The following RCN1 variants were observed in gnomAD, a reference collection of about 807,000 sequenced individuals.
RCN1 encodes reticulocalbin-1.
Under a neutral mutation model 34.7 loss-of-function variants are expected in RCN1, and 14 were observed. The ratio of observed to expected loss-of-function variants is 0.40; its 90% confidence interval spans 0.27 to 0.63. The LOEUF is 0.63. Among genes scored for constraint, RCN1 ranks in the 30% least tolerant of loss-of-function variants. The pLI is 0.37. For synonymous variants in RCN1, 125 were observed against 165.5 expected (o/e 0.76, Z 1.88); for missense variants, 326 against 425.1 (o/e 0.77, Z 2.05).
chr11:32,092,230 C>G (rs1851930782), intron 1 of RCN1, among the ~76,000 whole-genome samples: 2 of 152,124 alleles, frequency 1.3e-5, no homozygotes, highest in African/African-American at 4.8e-5. Flanking sequence ...TCGCTTGAAC[C>G]CGGGAGGCGG....
At chr11:32,097,007 A>C in intron 1 of RCN1, 137 bp from the exon 2 acceptor site, 1 of 638,760 alleles carries the variant, frequency 1.6e-6, no homozygotes, top group Non-Finnish European at 2.5e-6. Context: ...TGGATCATTG[A>C]TTCTGTTGTA....
rs1330247329 is a variant in RCN1 at position 32,091,082 on chromosome 11, C to A, written c.-115C>A. 1 of 1,236,374 alleles carries A rather than the reference C, an allele frequency of 8.1e-7. No homozygotes were observed. The highest frequency in any genetic ancestry group is 1.0e-6 in the Non-Finnish European group (1 of 954,376). The allele number at this position is 1,236,374 out of a possible 1,614,324, so 76.6% of individuals were successfully genotyped here. ...TGGCGGAGGGACTGGCCAGTCCCCTCCTCCGCGCCGGCCCCAACCCTGTCG... is the reference window on the plus strand; with the variant it reads ...TGGCGGAGGGACTGGCCAGTCCCCTACTCCGCGCCGGCCCCAACCCTGTCG... On this transcript the variant is annotated 5_prime_UTR_variant, in exon 1 of 6. Coordinates refer to ENST00000054950, the MANE Select transcript of RCN1 (RefSeq NM_002901.4).
intron 5 of RCN1, 26 bp downstream of exon 5, chr11:32,103,506 T>G: frequency 1.9e-6 from 3 of 1,589,340 alleles, no homozygotes; most frequent in Non-Finnish European, 2.6e-6. Context: ...CTGGAATCAC[T>G]GATTGAAGGG....
At chr11:32,092,621 T>C (rs1851935059) in intron 1 of RCN1, among the ~76,000 whole-genome samples, 1 of 152,132 alleles carries the variant, frequency 6.6e-6, no homozygotes, top group African/African-American at 2.4e-5. Flanking sequence ...CCGGGTCCCC[T>C]GAGGAAACAC....
intron 4 of RCN1, chr11:32,102,419 A>G (rs1852056284): frequency 6.6e-6 from 1 of 151,954 alleles, no homozygotes; most frequent in Non-Finnish European, 1.5e-5. Context: ...TTCACTTACT[A>G]CCTGCTTCAT....
intron 3 of RCN1, among the ~76,000 whole-genome samples, chr11:32,100,149 A>G (rs931823014): frequency 6.6e-6 from 1 of 152,208 alleles, no homozygotes; most frequent in African/African-American, 2.4e-5. Context: ...CTCAGTATTC[A>G]TAGTCCTGTT....
intron 1 of RCN1, among the ~76,000 whole-genome samples, chr11:32,095,309 G>A (rs1361724315): frequency 6.6e-6 from 1 of 151,106 alleles, no homozygotes; most frequent in Non-Finnish European, 1.5e-5. Context: ...CAGTGGTACA[G>A]TCATAGCTCA....
At chr11:32,095,098 G>A (rs1851957882) in intron 1 of RCN1, among the ~76,000 whole-genome samples, 1 of 152,162 alleles carries the variant, frequency 6.6e-6, no homozygotes, top group Non-Finnish European at 1.5e-5. Flanking sequence ...TAACCCACTG[G>A]CATGTCTCCA....
At chr11:32,099,167 A>G (rs1197781257) in intron 3 of RCN1, among the ~76,000 whole-genome samples, 1 of 152,190 alleles carries the variant, frequency 6.6e-6, no homozygotes, top group Non-Finnish European at 1.5e-5. Context: ...AAGATACAAA[A>G]AAAATTAGCC....
At chr11:32,100,660 C>G in intron 4 of RCN1, 52 bp downstream of exon 4, 1 of 1,420,310 alleles carries the variant, frequency 7.0e-7, no homozygotes, top group Non-Finnish European at 9.9e-7. Flanking sequence ...GCCACATGAC[C>G]CCACCCACAC....
chr11:32,100,674 TG>T, intron 4 of RCN1, 66 bp downstream of exon 4: 1 of 1,313,640 alleles, frequency 7.6e-7, no homozygotes, highest in Non-Finnish European at 1.1e-6. Flanking sequence ...CCCACACGTC[TG>T]GCTACTTTCC....
At chr11:32,098,009 A>G (rs576197229) in intron 2 of RCN1, among the ~76,000 whole-genome samples, 2 of 152,334 alleles carry the variant, frequency 1.3e-5, no homozygotes, top group South Asian at 2.1e-4. Context: ...TTGAGACAAG[A>G]TGTTTTGGGT....
At chr11:32,102,751 T>C in intron 4 of RCN1, 1 of 320,768 alleles carries the variant, frequency 3.1e-6, no homozygotes, top group African/African-American at 2.3e-5. Flanking sequence ...GGTAAGACTT[T>C]ACCTCATTGT....
chr11:32,104,087 T>G (rs1348779840), intron 5 of RCN1, among the ~76,000 whole-genome samples: 1 of 152,196 alleles, frequency 6.6e-6, no homozygotes, highest in African/African-American at 2.4e-5. Context: ...AGGGCCTATT[T>G]TGGGAAGACC....
intron 1 of RCN1, among the ~76,000 whole-genome samples, chr11:32,092,849 A>G (rs1590216956): frequency 6.6e-6 from 1 of 152,308 alleles, no homozygotes; most frequent in Non-Finnish European, 1.5e-5. Flanking sequence ...GGGGCCTCCA[A>G]AGGCCAAAGT....
intron 1 of RCN1, among the ~76,000 whole-genome samples, chr11:32,092,694 C>G (rs1194405461): frequency 6.6e-6 from 1 of 152,050 alleles, no homozygotes; most frequent in African/African-American, 2.4e-5. Context: ...CAGCCTGGTC[C>G]CAGATGGAGG....
chr11:32,103,296 A>G lies in RCN1; in HGVS notation c.704A>G (p.His235Arg). Residue 235 changes from histidine to arginine, a missense_variant, in exon 5 of 6, where the codon CAT becomes CGT. By Grantham distance (29) the His-to-Arg change is conservative (BLOSUM62 0). Coordinates refer to ENST00000054950, the MANE Select transcript of RCN1 (RefSeq NM_002901.4). ...TCCCTTCTAGCGGATATGTTTTCCCATGAGGAGAATGGCCCTGAGCCAGAC... is the reference window on the plus strand; with the variant it reads ...TCCCTTCTAGCGGATATGTTTTCCCGTGAGGAGAATGGCCCTGAGCCAGAC... ...QDEYIADMFS[H>R]EENGPEPDWV... 6.2e-7 allele frequency: 1 copy of G among 1,613,944 alleles called. No individual in the cohort carries two copies. Among genetic ancestry groups the G allele is most frequent in the Non-Finnish European group, 8.5e-7 (1 of 1,179,838 alleles).
In RCN1 at chr11:32,091,376, C is replaced by G; in HGVS notation, c.180C>G (p.His60Gln). 6.5e-7 allele frequency: 1 copy of G among 1,549,464 alleles called. No homozygotes were observed. The highest frequency in any genetic ancestry group is 8.7e-7 in the Non-Finnish European group (1 of 1,146,306). The change falls in exon 1 of 6, where the codon CAC becomes CAG. Residue 60 changes from histidine (H) to glutamine (Q), a missense_variant. His to Gln is a conservative substitution (Grantham distance 24, BLOSUM62 0). Coordinates refer to ENST00000054950, the MANE Select transcript of RCN1 (RefSeq NM_002901.4). The stretch of plus-strand genomic sequence containing the variant: ...ACAACCAGAGCTTCCAGTACGACCA[C>G]GAGGCCTTCCTGGGCAAGGAGGACT... The part of the protein sequence containing the change: ...PEDNQSFQYD[H>Q]EAFLGKEDSK...
At chr11:32,094,957 C>T (rs1413680697) in intron 1 of RCN1, among the ~76,000 whole-genome samples, 1 of 152,148 alleles carries the variant, frequency 6.6e-6, no homozygotes, top group Non-Finnish European at 1.5e-5. Context: ...TATTGAGTCC[C>T]TAATATTTGT....
Sources: gnomAD v4.1 joint callset for allele counts (sites outside exome capture counted in the v4.1 genomes callset) on GRCh38, gnomAD v4.1.1 for gene constraint, MANE v1.5 for transcripts, NCBI Gene and HGNC (gene_info 2026-07-23, HGNC 2026-07-21) for gene names.